TIMELESS: variants seen among roughly 807,000 people sequenced by gnomAD.
The protein encoded by TIMELESS is timeless circadian regulator, also known as protein timeless homolog.
Under a neutral mutation model 164.3 loss-of-function variants are expected in TIMELESS, and 124 were observed. That is an observed-to-expected ratio of 0.75 (90% CI 0.65 to 0.88). TIMELESS has a LOEUF of 0.88. TIMELESS is among the 40% of genes least tolerant of loss of function. The pLI, the probability that TIMELESS is intolerant of heterozygous loss-of-function variation, is 0.00. For synonymous variants in TIMELESS, 564 were observed against 563.4 expected (o/e 1.00, Z -0.02); for missense variants, 1,422 against 1,491.4 (o/e 0.95, Z 0.77).
chr12:56,428,965 A>T lies in TIMELESS; in HGVS notation c.1222T>A (p.Phe408Ile). 1 of 1,614,192 alleles carries T rather than the reference A, an allele frequency of 6.2e-7. No individual in the cohort carries two copies. The highest frequency in any genetic ancestry group is 8.5e-7 in the Non-Finnish European group (1 of 1,180,028). ...LVSETLSVRT[F>I]HFIEQNLTNY... ...GTGAGGTTCTGCTCAATGAAGTGGA[A>T]GGTACGGACACTGAGGGTCTCAGAA... Residue 408 changes from phenylalanine (F) to isoleucine (I), a missense_variant, in exon 11 of 29, where the codon TTC becomes ATC. Physicochemically the swap from Phe to Ile is conservative, Grantham distance 21. Transcript: ENST00000553532.
At chr12:56,434,051 T>G in intron 2 of TIMELESS, 23 bp downstream of exon 2, 1 of 1,613,294 alleles carries the variant, frequency 6.2e-7, no homozygotes, top group Non-Finnish European at 8.5e-7. Flanking sequence ...ATTTTTTTCC[T>G]GTTTCATCAA....
chr12:56,432,978 A>G (rs757640401), intron 6 of TIMELESS, 48 bp downstream of exon 6: 3 of 875,364 alleles, frequency 3.4e-6, no homozygotes, highest in Non-Finnish European at 5.3e-6. Context: ...AAAAAAAGGC[A>G]GCTCAACCTA....
At chr12:56,421,301 A>T (rs1434317945) in intron 23 of TIMELESS, 50 bp downstream of exon 23, 4 of 1,598,058 alleles carry the variant, frequency 2.5e-6, no homozygotes, top group Non-Finnish European at 3.4e-6. Flanking sequence ...CCTAAGGACC[A>T]CTTCAAGGGA....
chr12:56,421,833 AG>A (rs1881502181), intron 21 of TIMELESS, 24 bp from the exon 22 acceptor site: 4 of 1,613,782 alleles, frequency 2.5e-6, no homozygotes, highest in Non-Finnish European at 3.4e-6. Flanking sequence ...TGTCAGTGGA[AG>A]AGGAAGCCCA....
intron 13 of TIMELESS, among the ~76,000 whole-genome samples, chr12:56,426,018 C>T (rs1233897218): frequency 6.6e-6 from 1 of 152,138 alleles, no homozygotes; most frequent in African/African-American, 2.4e-5. Flanking sequence ...AACTGAGAGG[C>T]CCCTGAAGGT....
intron 26 of TIMELESS, 58 bp downstream of exon 26, chr12:56,420,511 G>A: frequency 7.4e-7 from 1 of 1,348,604 alleles, no homozygotes. Context: ...AGGAGGAGGA[G>A]ATGTATTTGG....
rs1465991092 is a variant in TIMELESS, at chr12:56,428,615, C to A, written c.1342G>T (p.Ala448Ser). 1 of 1,614,122 alleles carries A rather than the reference C, an allele frequency of 6.2e-7. No homozygotes were observed. The highest frequency in any genetic ancestry group is 8.5e-7 in the Non-Finnish European group (1 of 1,180,032). ...LALKAYQELL[A>S]TVNEMDISPD... The stretch of plus-strand genomic sequence containing the variant: ...GATATGTCCATCTCATTCACTGTTG[C>A]CAGCAGCTCCTGATAGGCCTTCAGA... Residue 448 changes from alanine (A) to serine (S), a missense_variant, in exon 12 of 29, where the codon GCA (alanine) becomes TCA (serine). Coordinates refer to ENST00000553532, the MANE Select transcript of TIMELESS (RefSeq NM_003920.5).
In TIMELESS at chr12:56,430,922, T is replaced by C. The variant is rs765593882; in HGVS notation, c.868A>G (p.Ile290Val). 1 of 1,606,768 alleles carries C rather than the reference T, an allele frequency of 6.2e-7. No individual in the cohort carries two copies. Among genetic ancestry groups the C allele is most frequent in the South Asian group, 1.1e-5 (1 of 89,928 alleles). ...TGAAAGATGAGGTCCCTCTCCCCAA[T>C]GGATTTCAACCCCTGGACAATATAG... ...GSYIVQGLKS[I>V]GERDLIFHKG... is the part of the protein sequence containing the mutation. The change falls in exon 9 of 29, where the codon ATT (isoleucine) becomes GTT (valine). Residue 290 changes from isoleucine to valine, a missense_variant. Ile to Val is a conservative substitution (Grantham distance 29). Transcript: ENST00000553532.
At chr12:56,439,163 T>A (rs11171851) in intron 1 of TIMELESS, among the ~76,000 whole-genome samples, 115,854 of 116,866 alleles carry the variant, frequency 0.99, 57,423 homozygotes, top group South Asian at 1. Context: ...TGAAAACTCC[T>A]TCTCAAAAAA....
chr12:56,443,628 C>T (rs1868308887), intron 1 of TIMELESS, among the ~76,000 whole-genome samples: 2 of 152,208 alleles, frequency 1.3e-5, no homozygotes, highest in African/African-American at 4.8e-5. Context: ...TCGTACCCCC[C>T]TCCCCTTCTA....
chr12:56,421,988 G>A lies in TIMELESS; in HGVS notation c.2553C>T (p.Ala851=), dbSNP rs759674366. The A allele has an allele frequency of 1.2e-6, 2 of 1,614,136 alleles. No individual in the cohort carries two copies. Among genetic ancestry groups the A allele is most frequent in the Non-Finnish European group, 1.7e-6 (2 of 1,180,032 alleles). The part of the protein sequence containing the change: ...EGQDVVEAIL[A]HLNTVPRTRK... ...GTGTTCGAGGAACAGTATTCAGGTGGGCCAAGATGGCTTCCACCACATCCT... is the reference window on the plus strand; with the variant it reads ...GTGTTCGAGGAACAGTATTCAGGTGAGCCAAGATGGCTTCCACCACATCCT... The change falls in exon 21 of 29, where the codon GCC becomes GCT. Residue 851 remains alanine (A), a synonymous_variant. Transcript: ENST00000553532.
At position 56,434,917 on chromosome 12, in the gene TIMELESS, A is replaced by G. The variant is rs139864023; in HGVS notation, c.-61-686T>C. ...GCCAACCGTTGTGGCACACACCTGC[A>G]CTCCTACCTACTCGGGAGGCCGGCT... On this transcript the variant is annotated intron_variant, in intron 1 of 28. Coordinates refer to ENST00000553532, the MANE Select transcript of TIMELESS (RefSeq NM_003920.5). Among the ~76,000 whole-genome samples the G allele has an allele frequency of 5.0e-3, 763 of 152,050 alleles. 5 individuals are homozygous for G. The highest frequency in any genetic ancestry group is 0.01 in the Middle Eastern group (3 of 294).
chr12:56,421,815 T>G lies in TIMELESS; in HGVS notation c.2643-6A>C, dbSNP rs765098831. On this transcript the variant is annotated splice_region_variant and splice_polypyrimidine_tract_variant and intron_variant, in intron 21 of 28. Coordinates refer to ENST00000553532, the MANE Select transcript of TIMELESS (RefSeq NM_003920.5). ...GTACAATATGGGTTCCTTTCCTGAT[T>G]AGGAAGGTGTCAGTGGAAGAGGAAG... 18 of 1,613,886 alleles carry G rather than the reference T, an allele frequency of 1.1e-5. No homozygotes were observed. Among genetic ancestry groups the G allele is most frequent in the Non-Finnish European group, 1.4e-5 (17 of 1,179,930 alleles).
chr12:56,421,403 T>G lies in TIMELESS; in HGVS notation c.2816A>C (p.Glu939Ala). The change falls in exon 23 of 29, where the codon GAG (glutamate) becomes GCG (alanine). Residue 939 changes from glutamate (E) to alanine (A), a missense_variant. Glu to Ala is a moderately radical substitution (Grantham distance 107, BLOSUM62 -1). Transcript: ENST00000553532. The stretch of plus-strand genomic sequence containing the variant: ...CCGTTTCTTGTACAGCTCCCGCCGC[T>G]CAGCCACCAGCCCCAGAGCCAAGAG... Reference protein sequence around the residue: ...DKLLALGLVAERRELYKKRQK... With the variant: ...DKLLALGLVAARRELYKKRQK... 6.2e-7 allele frequency: 1 copy of G among 1,614,058 alleles called. No individual in the cohort carries two copies. The highest frequency in any genetic ancestry group is 8.5e-7 in the Non-Finnish European group (1 of 1,179,992).
chr12:56,423,139 GC>G (rs2136134644), intron 18 of TIMELESS, 134 bp downstream of exon 18: 1 of 1,389,698 alleles, frequency 7.2e-7, no homozygotes, highest in East Asian at 2.3e-5. Flanking sequence ...CCCTCAACCT[GC>G]CTGTCTACTT....
chr12:56,432,914 C>G, intron 6 of TIMELESS, 112 bp downstream of exon 6: 1 of 737,480 alleles, frequency 1.4e-6, no homozygotes, highest in Non-Finnish European at 2.2e-6. Context: ...GAGATCGCAC[C>G]ACTGCACTCC....
chr12:56,417,663 T>G lies in TIMELESS; in HGVS notation c.*53A>C. Reference sequence around the variant, plus strand: ...CTGTATGACCCTTCCAACTCTGACTTGAATGCACCATCTAAAAACGTGTCT... The same window carrying G: ...CTGTATGACCCTTCCAACTCTGACTGGAATGCACCATCTAAAAACGTGTCT... On this transcript the variant is annotated 3_prime_UTR_variant, in exon 29 of 29. Transcript: ENST00000553532. 6.3e-7 allele frequency: 1 copy of G among 1,585,840 alleles called. No individual in the cohort carries two copies.
At chr12:56,438,500 A>G (rs1279013351) in intron 1 of TIMELESS, among the ~76,000 whole-genome samples, 1 of 149,320 alleles carries the variant, frequency 6.7e-6, no homozygotes, top group Non-Finnish European at 1.5e-5. Flanking sequence ...AGCCAGGTTC[A>G]GTGGCTCACG....
At chr12:56,417,871 T>C in intron 28 of TIMELESS, 36 bp downstream of exon 28, 1 of 1,613,912 alleles carries the variant, frequency 6.2e-7, no homozygotes, top group Non-Finnish European at 8.5e-7. Flanking sequence ...TCTTCAGGAT[T>C]AGAGAAGAAA....
Sources: allele counts gnomAD v4.1 joint callset (sites outside exome capture counted in the v4.1 genomes callset), GRCh38; gene constraint gnomAD v4.1.1; transcripts MANE v1.5; gene names NCBI Gene and HGNC (gene_info 2026-07-23, HGNC 2026-07-21).